Variants in PDPR observed in about 807,000 individuals in gnomAD.
PDPR encodes pyruvate dehydrogenase phosphatase regulatory subunit, mitochondrial.
A neutral mutation model predicts 102.2 loss-of-function variants in PDPR; 50 were observed. That is an observed-to-expected ratio of 0.49 (90% confidence interval 0.39 to 0.62). The LOEUF is 0.62. PDPR is among the 20% of genes least tolerant of loss of function. PDPR has a pLI of 0.00. For synonymous variants in PDPR, 259 were observed against 406.0 expected (o/e 0.64, Z 4.35); for missense variants, 625 against 1,098.2 (o/e 0.57, Z 6.09).
Position 70,157,478 on chromosome 16 carries a change from A to G in PDPR, c.*599A>G, listed in dbSNP as rs1967351201. ...ATCGCATGGACGTTCTCTGGTCTGT[A>G]GTGGAGACAAGCAGTTAACCTAGCA... On this transcript the variant is annotated 3_prime_UTR_variant, in exon 19 of 19. Transcript: ENST00000288050. 9.1e-6 allele frequency: 3 copies of G among 331,062 alleles called. No homozygotes were observed. Among genetic ancestry groups the G allele is most frequent in the Non-Finnish European group, 1.8e-5 (3 of 169,630 alleles). 20.5% of individuals were successfully genotyped at this position (331,062 alleles called of 1,614,324 possible). A position where few individuals can be genotyped will look rare whatever the true frequency, so the allele number is the denominator to read the frequency against.
Position 70,162,088 on chromosome 16 carries a change from C to A in PDPR, c.*5209C>A, listed in dbSNP as rs187027383. On this transcript the variant is annotated 3_prime_UTR_variant, in exon 19 of 19. Coordinates refer to ENST00000288050, the MANE Select transcript of PDPR (RefSeq NM_017990.5). ...TTGGAAGAAAGAGAAAAGTTCATCT[C>A]GGTGTGTGGGTTCCCATCCGCCCCA... 273 of 152,486 alleles carry A rather than the reference C, an allele frequency of 1.8e-3. No homozygotes were observed. The highest frequency in any genetic ancestry group is 3.5e-3 in the South Asian group (17 of 4,828). The allele number at this position is 152,486 out of a possible 1,614,324, so 9.4% of individuals were successfully genotyped here. A position where few individuals can be genotyped will look rare whatever the true frequency, so the allele number is the denominator to read the frequency against.
intron 18 of PDPR, among the ~76,000 whole-genome samples, chr16:70,153,806 AG>A (rs1215703097): frequency 6.6e-6 from 1 of 152,284 alleles, no homozygotes; most frequent in Non-Finnish European, 1.5e-5. Flanking sequence ...GCACTTTGGG[AG>A]GCTGAGGCGG....
chr16:70,135,901 C>G (rs912013042), intron 9 of PDPR, among the ~76,000 whole-genome samples: 2 of 152,226 alleles, frequency 1.3e-5, no homozygotes. Flanking sequence ...AACCCCATCT[C>G]TACTAAAAAT....
intron 11 of PDPR, among the ~76,000 whole-genome samples, chr16:70,141,144 C>G (rs377507208): frequency 1.0e-3 from 155 of 152,280 alleles, no homozygotes; most frequent in African/African-American, 3.3e-3. Context: ...ACCTCTGCCT[C>G]CTGGGTTCAA....
intron 16 of PDPR, among the ~76,000 whole-genome samples, chr16:70,146,816 C>T (rs1370398556): frequency 5.5e-5 from 3 of 54,770 alleles, no homozygotes; most frequent in African/African-American, 1.3e-4. Flanking sequence ...TGCAGTGAGC[C>T]GAGATTGCGC....
intron 3 of PDPR, among the ~76,000 whole-genome samples, chr16:70,122,643 A>AT (rs1483210205): frequency 3.3e-5 from 5 of 152,268 alleles, no homozygotes; most frequent in African/African-American, 1.2e-4. Flanking sequence ...GGATTCTGAG[A>AT]TTATGCCAAT....
intron 17 of PDPR, among the ~76,000 whole-genome samples, chr16:70,148,980 G>C (rs1487913079): frequency 6.6e-6 from 1 of 151,112 alleles, no homozygotes; most frequent in Admixed American, 6.6e-5. Context: ...CTGCAGCCTC[G>C]ACCTCTTGGG....
chr16:70,121,858 G>A (rs1963326920), intron 3 of PDPR, among the ~76,000 whole-genome samples: 1 of 152,114 alleles, frequency 6.6e-6, no homozygotes, highest in South Asian at 2.1e-4. Context: ...TTGACCTCGT[G>A]GATTCAAGCA....
chr16:70,118,637 G>A (rs1962900764), intron 2 of PDPR, among the ~76,000 whole-genome samples: 1 of 152,186 alleles, frequency 6.6e-6, no homozygotes, highest in African/African-American at 2.4e-5. Flanking sequence ...TTTGGGAAAG[G>A]TATTCTGGAG....
rs1252360763 is a variant in PDPR at position 70,157,178 on chromosome 16, G to C, written c.*299G>C. The C allele has an allele frequency of 4.8e-6, 3 of 620,336 alleles. No homozygotes were observed. In the East Asian group the frequency reaches 1.1e-4, roughly 23 times the overall value. 38.4% of individuals were successfully genotyped at this position (620,336 alleles called of 1,614,324 possible). A position where few individuals can be genotyped will look rare whatever the true frequency, so the allele number is the denominator to read the frequency against. The stretch of plus-strand genomic sequence containing the variant: ...CAGGACAGAAGCAAGCTCCACTGTG[G>C]ACATGAGTGATGGTGACAGCTGCTT... On this transcript the variant is annotated 3_prime_UTR_variant, in exon 19 of 19. Transcript: ENST00000288050.
rs1385362646 is a variant in PDPR, at chr16:70,157,867, C to T, written c.*988C>T. On this transcript the variant is annotated 3_prime_UTR_variant, in exon 19 of 19. Coordinates refer to ENST00000288050, the MANE Select transcript of PDPR (RefSeq NM_017990.5). The stretch of plus-strand genomic sequence containing the variant: ...CCCTTTCACAGTTGGCCCATAAAGT[C>T]ATGTTTCTCTCCCTTTAGAATAGGG... The T allele has an allele frequency of 6.5e-6, 1 of 154,396 alleles. No homozygotes were observed. Among genetic ancestry groups the T allele is most frequent in the Non-Finnish European group, 1.4e-5 (1 of 69,388 alleles). 9.6% of individuals were successfully genotyped at this position (154,396 alleles called of 1,614,324 possible). A position where few individuals can be genotyped will look rare whatever the true frequency, so the allele number is the denominator to read the frequency against.
Position 70,131,475 on chromosome 16 carries a change from T to C in PDPR, c.847+56T>C. The C allele has an allele frequency of 3.4e-6, 5 of 1,460,396 alleles. No homozygotes were observed. The African/African-American group carries it at 4.3e-5, about 12-fold the overall frequency. 90.5% of individuals were successfully genotyped at this position (1,460,396 alleles called of 1,614,324 possible). A position where few individuals can be genotyped will look rare whatever the true frequency, so the allele number is the denominator to read the frequency against. ...GTTTCTTTGCCAGTATCCTGTCCTC[T>C]GAAAAGGAAAACTTTCTGCTAAGGA... On this transcript the variant is annotated intron_variant, in intron 8 of 18. Transcript: ENST00000288050.
At chr16:70,133,905 G>A (rs7184759) in intron 9 of PDPR, among the ~76,000 whole-genome samples, 6,651 of 150,434 alleles carry the variant, frequency 0.044, 160 homozygotes, top group African/African-American at 0.16. Flanking sequence ...GGCTAATTTT[G>A]TATTTTTAGT....
rs963759282 is a variant in PDPR at position 70,161,042 on chromosome 16, C to G, written c.*4163C>G. Reference sequence around the variant, plus strand: ...GCGTTGGCTTGCTTTCAGGGGTTAGCTACAAGATTCAGCTTTATATCTCTG... The same window carrying G: ...GCGTTGGCTTGCTTTCAGGGGTTAGGTACAAGATTCAGCTTTATATCTCTG... On this transcript the variant is annotated 3_prime_UTR_variant, in exon 19 of 19. Coordinates refer to ENST00000288050, the MANE Select transcript of PDPR (RefSeq NM_017990.5). 2.6e-5 allele frequency: 4 copies of G among 152,646 alleles called. No homozygotes were observed. Among genetic ancestry groups the G allele is most frequent in the Non-Finnish European group, 5.9e-5 (4 of 68,312 alleles). The allele number at this position is 152,646 out of a possible 1,614,324, so 9.5% of individuals were successfully genotyped here. A position where few individuals can be genotyped will look rare whatever the true frequency, so the allele number is the denominator to read the frequency against.
At chr16:70,131,856 T>A in intron 8 of PDPR, 1 of 1,422,568 alleles carries the variant, frequency 7.0e-7, no homozygotes, top group Non-Finnish European at 9.3e-7. Context: ...TGTTAAACTT[T>A]CGCTTGGCAC....
intron 9 of PDPR, among the ~76,000 whole-genome samples, chr16:70,132,651 T>C (rs1389402137): frequency 7.6e-6 from 1 of 132,394 alleles, no homozygotes; most frequent in African/African-American, 2.9e-5. Context: ...TCATAGCTTT[T>C]TTTTTTTCTT....
At chr16:70,137,375 A>T (rs1450452266) in intron 10 of PDPR, among the ~76,000 whole-genome samples, 1 of 152,092 alleles carries the variant, frequency 6.6e-6, no homozygotes, top group Non-Finnish European at 1.5e-5. Context: ...AATAATAATA[A>T]AATAAAATAA....
chr16:70,150,105 T>C (rs1310734267), intron 17 of PDPR, among the ~76,000 whole-genome samples: 12 of 31,506 alleles, frequency 3.8e-4, no homozygotes, highest in Admixed American at 1.4e-3. Flanking sequence ...TTTTTTTTTT[T>C]TTCTTTTTTT....
intron 2 of PDPR, among the ~76,000 whole-genome samples, chr16:70,119,810 G>A (rs1470903511): frequency 6.6e-6 from 1 of 150,480 alleles, no homozygotes; most frequent in Non-Finnish European, 1.5e-5. Flanking sequence ...ACTCTCAAAT[G>A]TAAATTTCAT....
Sources: allele counts gnomAD v4.1 joint callset (sites outside exome capture counted in the v4.1 genomes callset), GRCh38; gene constraint gnomAD v4.1.1; transcripts MANE v1.5; gene names NCBI Gene and HGNC (gene_info 2026-07-23, HGNC 2026-07-21).